ERC1: variants seen among roughly 807,000 people sequenced by gnomAD.
ERC1 encodes ELKS/RAB6-interacting/CAST family member 1.
In ERC1, 56 loss-of-function variants were observed where a neutral mutation model predicts 132.0. The ratio of observed to expected loss-of-function variants is 0.42; its 90% CI spans 0.34 to 0.53. The LOEUF (loss-of-function observed/expected upper bound fraction) is 0.53, where lower values mean the gene tolerates loss of function less well. ERC1 is among the 20% of genes least tolerant of loss of function. The probability of loss-of-function intolerance (pLI) is 0.03; values close to 1 mark genes in which losing one functional copy is unlikely to be tolerated. For synonymous variants in ERC1, 478 were observed against 476.1 expected, an observed-to-expected ratio of 1.00 and a Z score of -0.05; for missense variants, 1,202 against 1,349.9, an observed-to-expected ratio of 0.89 and a Z score of 1.72.
chr12:1,144,955 T>A (rs1278316551), intron 8 of ERC1, among the ~76,000 whole-genome samples: 1 of 152,154 alleles, frequency 6.6e-6, no homozygotes, highest in Non-Finnish European at 1.5e-5. Context: ...AATATCTATT[T>A]TTTTATTTTT....
intron 12 of ERC1, among the ~76,000 whole-genome samples, chr12:1,219,641 T>G (rs1958779136): frequency 6.6e-6 from 1 of 150,988 alleles, no homozygotes; most frequent in African/African-American, 2.5e-5. Flanking sequence ...CTCTCTTTTT[T>G]TTTTTTTCTT....
chr12:1,082,795 T>G (rs1405865936), intron 2 of ERC1, among the ~76,000 whole-genome samples: 2 of 152,192 alleles, frequency 1.3e-5, no homozygotes, highest in Non-Finnish European at 2.9e-5. Context: ...CCCGGCTGTT[T>G]TGATGAAATT....
intron 17 of ERC1, among the ~76,000 whole-genome samples, chr12:1,440,497 C>T (rs144614537): frequency 0.048 from 7,144 of 147,698 alleles, 333 homozygotes; most frequent in Admixed American, 0.12. Context: ...TGAGCCACCG[C>T]GCCCGGCCTT....
At chr12:1,188,739 A>G (rs1955396585) in intron 11 of ERC1, among the ~76,000 whole-genome samples, 1 of 152,176 alleles carries the variant, frequency 6.6e-6, no homozygotes, top group Non-Finnish European at 1.5e-5. Context: ...CATTTACTCA[A>G]GGTACTTTGC....
upstream of ERC1, chr12:990,656 G>T (rs1296414235): frequency 6.6e-6 from 1 of 152,240 alleles, no homozygotes; most frequent in African/African-American, 2.4e-5. Context: ...TTTCGCGGCC[G>T]CGTTCCACGA....
intron 17 of ERC1, among the ~76,000 whole-genome samples, chr12:1,414,206 C>G (rs999009213): frequency 6.6e-6 from 1 of 152,138 alleles, no homozygotes; most frequent in African/African-American, 2.4e-5. Context: ...GGTTGGAGAC[C>G]CCTGGCTTAA....
intron 16 of ERC1, among the ~76,000 whole-genome samples, chr12:1,375,044 G>A (rs2087726575): frequency 6.6e-6 from 1 of 152,048 alleles, no homozygotes; most frequent in African/African-American, 2.4e-5. Flanking sequence ...TCGTCTTAAG[G>A]GAACTCACAG....
Position 1,490,556 on chromosome 12 carries a change from G to A in ERC1, c.*326G>A, listed in dbSNP as rs1307971687. ...CCCTGACAGAGAGCCATGGAGCAGA[G>A]GAGCCTCTCACCTCCTGTCCTCTGA... On this transcript the variant is annotated 3_prime_UTR_variant, in exon 19 of 19. Transcript: ENST00000360905. 9.4e-6 allele frequency: 3 copies of A among 319,348 alleles called. No individual in the cohort carries two copies. Among genetic ancestry groups the A allele is most frequent in the East Asian group, 8.8e-5 (2 of 22,666 alleles). 19.8% of individuals were successfully genotyped at this position (319,348 alleles called of 1,614,324 possible). A position where few individuals can be genotyped will look rare whatever the true frequency, so the allele number is the denominator to read the frequency against.
chr12:1,055,459 C>T (rs1237611002), intron 2 of ERC1, among the ~76,000 whole-genome samples: 5 of 152,090 alleles, frequency 3.3e-5, no homozygotes, highest in Non-Finnish European at 5.9e-5. Flanking sequence ...GGATTACAGG[C>T]GTGAACCACC....
chr12:1,398,138 C>G (rs1040664676), intron 16 of ERC1, among the ~76,000 whole-genome samples: 6 of 152,010 alleles, frequency 3.9e-5, no homozygotes, highest in Non-Finnish European at 7.4e-5. Flanking sequence ...CACATGCCAC[C>G]GTGTCTGGCT....
At chr12:1,467,722 T>C (rs2093772942) in intron 18 of ERC1, among the ~76,000 whole-genome samples, 1 of 152,244 alleles carries the variant, frequency 6.6e-6, no homozygotes, top group Non-Finnish European at 1.5e-5. Flanking sequence ...CAATTCACCA[T>C]AATGTAGAAT....
intron 7 of ERC1, among the ~76,000 whole-genome samples, chr12:1,131,049 A>T (rs1948715431): frequency 1.3e-5 from 2 of 152,236 alleles, no homozygotes; most frequent in Admixed American, 1.3e-4. Context: ...TACCAGTCAG[A>T]TTTAACATAC....
At chr12:1,054,259 T>C (rs530830576) in intron 2 of ERC1, among the ~76,000 whole-genome samples, 2 of 152,306 alleles carry the variant, frequency 1.3e-5, no homozygotes, top group East Asian at 3.9e-4. Flanking sequence ...AATCAATAAC[T>C]TTCTTCTTCG....
chr12:1,367,987 A>C (rs2086827253), intron 15 of ERC1, among the ~76,000 whole-genome samples: 1 of 148,308 alleles, frequency 6.7e-6, no homozygotes, highest in Non-Finnish European at 1.5e-5. Context: ...TCTGGAAAAG[A>C]AGGGAACAGA....
chr12:1,170,834 A>T (rs1386727542), intron 8 of ERC1, among the ~76,000 whole-genome samples: 1 of 152,124 alleles, frequency 6.6e-6, no homozygotes, highest in African/African-American at 2.4e-5. Flanking sequence ...GGAGCAGTGG[A>T]CTCTGAAAAT....
chr12:1,282,193 G>A (rs1299023620), intron 14 of ERC1, among the ~76,000 whole-genome samples: 1 of 152,156 alleles, frequency 6.6e-6, no homozygotes, highest in East Asian at 1.9e-4. Context: ...CTGATACATG[G>A]TAGCAAAGCA....
At chr12:1,439,984 A>C (rs1470812676) in intron 17 of ERC1, among the ~76,000 whole-genome samples, 2 of 152,180 alleles carry the variant, frequency 1.3e-5, no homozygotes, top group Non-Finnish European at 2.9e-5. Context: ...TTTTACAGAT[A>C]GATTTGGGGA....
chr12:999,609 A>T (rs1002570586), intron 1 of ERC1, among the ~76,000 whole-genome samples: 103 of 102,934 alleles, frequency 1.0e-3, no homozygotes, highest in Middle Eastern at 6.0e-3. Context: ...GTGCTAGGTG[A>T]TTTTTTTTTT....
At chr12:1,216,581 T>C (rs1272217760) in intron 12 of ERC1, among the ~76,000 whole-genome samples, 2 of 108,912 alleles carry the variant, frequency 1.8e-5, no homozygotes, top group East Asian at 3.1e-4. Flanking sequence ...ACTTTCATCA[T>C]TGACATAGCC....
Sources: gnomAD v4.1 joint callset for allele counts (sites outside exome capture counted in the v4.1 genomes callset) on GRCh38, gnomAD v4.1.1 for gene constraint, MANE v1.5 for transcripts, NCBI Gene and HGNC (gene_info 2026-07-23, HGNC 2026-07-21) for gene names.